ZNF799: variants seen among roughly 807,000 people sequenced by gnomAD.
ZNF799 encodes zinc finger protein 799.
Under a neutral mutation model 41.0 loss-of-function variants are expected in ZNF799, and 28 were observed. That is an observed-to-expected ratio of 0.68 (90% CI 0.51 to 0.94). ZNF799 has a LOEUF of 0.94. Among genes scored for constraint, ZNF799 ranks in the 40% least tolerant of loss-of-function variants. The pLI is 0.00. For synonymous variants in ZNF799, 213 were observed against 252.9 expected, an observed-to-expected ratio of 0.84 and a Z score of 1.50; for missense variants, 716 against 764.3, an observed-to-expected ratio of 0.94 and a Z score of 0.74.
upstream of ZNF799, among the ~76,000 whole-genome samples, chr19:12,403,480 C>G (rs1265188873): frequency 6.6e-6 from 1 of 151,098 alleles, no homozygotes; most frequent in Non-Finnish European, 1.5e-5. Flanking sequence ...GTTTGGTTTG[C>G]TCTTGCTTTT....
chr19:12,401,250 C>G lies in ZNF799; in HGVS notation c.-180G>C. On this transcript the variant is annotated 5_prime_UTR_variant, in exon 1 of 4. Coordinates refer to ENST00000430385, the MANE Select transcript of ZNF799 (RefSeq NM_001080821.3). ...CGGGCTTTTTCAACCACACACTCCT[C>G]TGGGAAGCGCGCCTGATTGACAGTT... 1 of 1,407,208 alleles carries G rather than the reference C, an allele frequency of 7.1e-7. No individual in the cohort carries two copies. 87.2% of individuals were successfully genotyped at this position (1,407,208 alleles called of 1,614,324 possible). A position where few individuals can be genotyped will look rare whatever the true frequency, so the allele number is the denominator to read the frequency against.
In ZNF799 at chr19:12,391,727, G is replaced by A. The variant is rs1051089915; in HGVS notation, c.671C>T (p.Pro224Leu). 1.2e-5 allele frequency: 20 copies of A among 1,613,780 alleles called. No homozygotes were observed. The highest frequency in any genetic ancestry group is 1.7e-5 in the Non-Finnish European group (20 of 1,179,952). Residue 224 changes from proline to leucine, a missense_variant, in exon 4 of 4, where the codon CCA becomes CTA. Pro to Leu is a moderately conservative substitution (Grantham distance 98). Transcript: ENST00000430385. ...TTTAGAACACTGCTTACATTCATAT[G>A]GTTTCTCTCCAGTGTGCGTTCTCTC... Reference protein sequence around the residue: ...MHERTHTGEKPYECKQCSKAF... With the variant: ...MHERTHTGEKLYECKQCSKAF...
the ZNF799 span, among the ~76,000 whole-genome samples, chr19:12,414,962 C>T: frequency 3.3e-5 from 5 of 152,070 alleles, no homozygotes; most frequent in African/African-American, 9.7e-5. Flanking sequence ...TAAATGTTAA[C>T]GAATTAAACG....
At chr19:12,400,606 T>A in intron 1 of ZNF799, 1 of 231,480 alleles carries the variant, frequency 4.3e-6, no homozygotes, top group Non-Finnish European at 8.5e-6. Flanking sequence ...TCACCTCCTG[T>A]CCCAGGATTC....
Position 12,393,291 on chromosome 19 carries a change from C to T in ZNF799, c.130+6G>A. ...TAAATAAGTGGAAATGCGATGTCAT[C>T]CTTACCTACACAATCCAGGTTCCTG... is the stretch of plus-strand genomic sequence containing the variant. On this transcript the variant is annotated splice_donor_region_variant and intron_variant, in intron 2 of 3. Transcript: ENST00000430385. 1 of 942,024 alleles carries T rather than the reference C, an allele frequency of 1.1e-6. No individual in the cohort carries two copies. The allele number at this position is 942,024 out of a possible 1,614,324, so 58.4% of individuals were successfully genotyped here.
chr19:12,401,598 GA>G (rs1325707983), upstream of ZNF799, among the ~76,000 whole-genome samples: 2 of 135,820 alleles, frequency 1.5e-5, no homozygotes, highest in Non-Finnish European at 3.0e-5. Flanking sequence ...GAGAGAGAGA[GA>G]GGGAGTCTTG....
the ZNF799 span, among the ~76,000 whole-genome samples, chr19:12,412,349 G>T: frequency 6.6e-6 from 1 of 151,960 alleles, no homozygotes; most frequent in Non-Finnish European, 1.5e-5. Context: ...GGTCTTCAAG[G>T]CATGCTAATC....
At position 12,390,668 on chromosome 19, in the gene ZNF799, C is replaced by T; in HGVS notation, c.1730G>A (p.Gly577Glu). 1 of 1,612,944 alleles carries T rather than the reference C, an allele frequency of 6.2e-7. No homozygotes were observed. The highest frequency in any genetic ancestry group is 8.5e-7 in the Non-Finnish European group (1 of 1,179,582). Reference protein sequence around the residue: ...KAFTHSRFLQGHEKTHTGENP... With the variant: ...KAFTHSRFLQEHEKTHTGENP... ...CTCTCCAGTATGAGTTTTTTCATGT[C>T]CTTGAAGAAAACGGGAATGAGTGAA... is the stretch of plus-strand genomic sequence containing the variant. Residue 577 changes from glycine to glutamate, a missense_variant, in exon 4 of 4, where the codon GGA (glycine) becomes GAA (glutamate). Physicochemically the swap from Gly to Glu is moderately conservative, Grantham distance 98. Coordinates refer to ENST00000430385, the MANE Select transcript of ZNF799 (RefSeq NM_001080821.3).
chr19:12,391,696 A>G lies in ZNF799; in HGVS notation c.702T>C (p.Phe234=), dbSNP rs1324816835. Residue 234 remains phenylalanine (F), a synonymous_variant, in exon 4 of 4, where the codon TTT becomes TTC. Transcript: ENST00000430385. The part of the protein sequence containing the change: ...PYECKQCSKA[F]SFYSSYLRHE... ...GTCTTAGATAGGAACTGTAAAAAGAAAAGGCTTTAGAACACTGCTTACATT... is the reference window on the plus strand; with the variant it reads ...GTCTTAGATAGGAACTGTAAAAAGAGAAGGCTTTAGAACACTGCTTACATT... 6.2e-7 allele frequency: 1 copy of G among 1,613,872 alleles called. No individual in the cohort carries two copies.
At chr19:12,402,265 A>G (rs1164948965), upstream of ZNF799, among the ~76,000 whole-genome samples, 1 of 152,220 alleles carries the variant, frequency 6.6e-6, no homozygotes, top group Non-Finnish European at 1.5e-5. Context: ...GTATGTTAAT[A>G]TTGTATCCTG....
In ZNF799 at chr19:12,401,119, A is replaced by C; in HGVS notation, c.-49T>G. 1 of 1,613,378 alleles carries C rather than the reference A, an allele frequency of 6.2e-7. No individual in the cohort carries two copies. On this transcript the variant is annotated 5_prime_UTR_variant, in exon 1 of 4. It adds an upstream start codon to the 5' untranslated region. Transcript: ENST00000430385. ...GGTCCTCCGGACGGCTCCCGCTGCCAATGCGGGTTCCCGCGGGACACAGGC... is the reference window on the plus strand; with the variant it reads ...GGTCCTCCGGACGGCTCCCGCTGCCCATGCGGGTTCCCGCGGGACACAGGC...
intron 1 of ZNF799, chr19:12,400,835 G>A (rs1194653888): frequency 3.0e-6 from 2 of 669,542 alleles, no homozygotes; most frequent in Admixed American, 3.0e-5. Context: ...GCGCGGAGCT[G>A]CCCAGAGAGG....
chr19:12,395,953 A>G (rs1969889167), intron 1 of ZNF799, among the ~76,000 whole-genome samples: 1 of 152,254 alleles, frequency 6.6e-6, no homozygotes, highest in African/African-American at 2.4e-5. Flanking sequence ...ACTAAAGAAC[A>G]GAGATGTCAG....
At chr19:12,398,494 CA>C (rs1969932279) in intron 1 of ZNF799, among the ~76,000 whole-genome samples, 1 of 152,098 alleles carries the variant, frequency 6.6e-6, no homozygotes, top group Admixed American at 6.6e-5. Flanking sequence ...AGGAAAAGCC[CA>C]AATACCTATC....
At chr19:12,392,253 T>C (rs967345353) in intron 3 of ZNF799, 47 bp from the exon 4 acceptor site, 3 of 1,514,800 alleles carry the variant, frequency 2.0e-6, no homozygotes, top group African/African-American at 1.4e-5. Flanking sequence ...CTATAAATAA[T>C]TGTATAGGTA....
At chr19:12,400,753 T>G in intron 1 of ZNF799, 1 of 552,898 alleles carries the variant, frequency 1.8e-6, no homozygotes, top group Admixed American at 3.5e-5. Context: ...CCTCAGCGTC[T>G]CGGTGCAGTG....
chr19:12,408,577 G>A, the ZNF799 span, among the ~76,000 whole-genome samples: 5 of 152,108 alleles, frequency 3.3e-5, no homozygotes, highest in African/African-American at 1.2e-4. Flanking sequence ...TGCCATTTTA[G>A]CCCTAATCAA....
chr19:12,390,689 G>C lies in ZNF799; in HGVS notation c.1709C>G (p.Thr570Ser), dbSNP rs1969795435. The C allele has an allele frequency of 6.2e-7, 1 of 1,613,342 alleles. No individual in the cohort carries two copies. The highest frequency in any genetic ancestry group is 1.1e-5 in the South Asian group (1 of 91,046). ...YECQQCGKAF[T>S]HSRFLQGHEK... ...ATGTCCTTGAAGAAAACGGGAATGA[G>C]TGAAGGCTTTACCACATTGTTGACA... Residue 570 changes from threonine to serine, a missense_variant, in exon 4 of 4, where the codon ACT (threonine) becomes AGT (serine). Thr to Ser is a moderately conservative substitution (Grantham distance 58, BLOSUM62 1). Coordinates refer to ENST00000430385, the MANE Select transcript of ZNF799 (RefSeq NM_001080821.3).
chr19:12,393,825 G>T (rs1969859241), intron 1 of ZNF799: 3 of 962,746 alleles, frequency 3.1e-6, no homozygotes, highest in South Asian at 2.5e-5. Context: ...ACAAAGTTGG[G>T]CTTTTCATGG....
Sources: gnomAD v4.1 joint callset for allele counts (sites outside exome capture counted in the v4.1 genomes callset) on GRCh38, gnomAD v4.1.1 for gene constraint, MANE v1.5 for transcripts, NCBI Gene and HGNC (gene_info 2026-07-23, HGNC 2026-07-21) for gene names.